Variants in PARP10 observed in about 807,000 individuals in gnomAD.
PARP10 encodes the protein poly(ADP-ribose) polymerase family member 10.
In PARP10, 56 loss-of-function variants were observed where a neutral mutation model predicts 82.4. That is an observed-to-expected ratio of 0.68 (90% CI 0.55 to 0.85). The LOEUF (loss-of-function observed/expected upper bound fraction) is 0.85. Ranked by LOEUF, PARP10 falls within the 40% of genes least tolerant of loss-of-function variation. The probability of loss-of-function intolerance (pLI) is 0.00; values close to 1 mark genes in which losing one functional copy is unlikely to be tolerated. For synonymous variants in PARP10, 576 were observed against 601.1 expected (o/e 0.96, Z 0.61); for missense variants, 1,227 against 1,379.4 (o/e 0.89, Z 1.75).
chr8:143,991,427 C>A (rs1834093026), upstream of PARP10: 9 of 1,426,514 alleles, frequency 6.3e-6, no homozygotes, highest in Non-Finnish European at 8.4e-6. Context: ...CCCAAGGGGG[C>A]TACCCACAGG....
upstream of PARP10, chr8:143,992,416 G>T (rs782058820): frequency 3.1e-6 from 5 of 1,612,946 alleles, 1 homozygote; most frequent in South Asian, 3.3e-5. Flanking sequence ...CAGGGGCTGA[G>T]CAGCTTTCCC....
chr8:143,992,745 C>T, upstream of PARP10: 1 of 1,613,914 alleles, frequency 6.2e-7, no homozygotes, highest in Non-Finnish European at 8.5e-7. Context: ...TGTCCCTGAG[C>T]CCAGAAGAGT....
intron 9 of PARP10, among the ~76,000 whole-genome samples, chr8:143,980,210 C>T (rs141821590): frequency 6.7e-6 from 1 of 149,684 alleles, no homozygotes; most frequent in Admixed American, 6.8e-5. Flanking sequence ...GTCCCAGCTA[C>T]TCAGGAGGCT....
chr8:143,992,010 A>G (rs781934309), upstream of PARP10: 1 of 1,613,864 alleles, frequency 6.2e-7, no homozygotes, highest in South Asian at 1.1e-5. Flanking sequence ...TGTCTTCTTC[A>G]TCTCTCTCAT....
Position 143,977,501 on chromosome 8 carries a change from G to C in PARP10, c.3061C>G (p.Arg1021Gly). ...CCCTTCGGTTAAGTGTCTGGGGAGCGGCCCGGGAGCCCAGAGGGGTCGTCG... is the reference window on the plus strand; with the variant it reads ...CCCTTCGGTTAAGTGTCTGGGGAGCCGCCCGGGAGCCCAGAGGGGTCGTCG... ...SPDDPSGLPG[R>G]SPDT The change falls in exon 11 of 11, where the codon CGC becomes GGC. Residue 1021 changes from arginine to glycine, a missense_variant. Coordinates refer to ENST00000313028, the MANE Select transcript of PARP10 (RefSeq NM_032789.5). 1 of 1,551,668 alleles carries C rather than the reference G, an allele frequency of 6.4e-7. No homozygotes were observed. Among genetic ancestry groups the C allele is most frequent in the Middle Eastern group, 1.7e-4 (1 of 5,826 alleles).
upstream of PARP10, chr8:143,991,170 G>A (rs1456124225): frequency 1.5e-6 from 2 of 1,332,964 alleles, no homozygotes. Flanking sequence ...CAAGCCAACT[G>A]TTCCACTGTT....
chr8:143,980,088 G>A (rs1290407048), intron 9 of PARP10, among the ~76,000 whole-genome samples: 25 of 150,344 alleles, frequency 1.7e-4, no homozygotes, highest in Admixed American at 1.4e-3. Context: ...TTGGGAGGCC[G>A]AGGTGGGCAG....
intron 1 of PARP10, among the ~76,000 whole-genome samples, chr8:144,006,736 C>G (rs1283582507): frequency 1.3e-5 from 2 of 152,228 alleles, no homozygotes; most frequent in African/African-American, 4.8e-5. Flanking sequence ...CTTGCTTCCT[C>G]TCTCTCCACT....
chr8:144,001,790 C>T (rs1174121046), intron 1 of PARP10, among the ~76,000 whole-genome samples: 2 of 151,902 alleles, frequency 1.3e-5, no homozygotes, highest in African/African-American at 4.8e-5. Flanking sequence ...GTAATTCCAA[C>T]AGTTTGTCAG....
At chr8:144,000,152 C>T (rs1293532812) in intron 1 of PARP10, among the ~76,000 whole-genome samples, 1 of 152,188 alleles carries the variant, frequency 6.6e-6, no homozygotes, top group Non-Finnish European at 1.5e-5. Flanking sequence ...CCACCAAATT[C>T]ATATGCTGAA....
At chr8:143,990,376 G>T (rs1834070784), upstream of PARP10, 1 of 151,330 alleles carries the variant, frequency 6.6e-6, no homozygotes, top group Non-Finnish European at 1.5e-5. The surrounding 1 kb of genome is among the most constrained non-coding windows in gnomAD (Gnocchi z 5.6). Flanking sequence ...CGGTGGTGGG[G>T]GCGGGGAGCC....
rs529864557 is a variant in PARP10 at position 143,999,434 on chromosome 8, G to A, written c.-79-12996C>T. 5.9e-5 allele frequency among the ~76,000 whole-genome samples: 9 copies of A among 152,214 alleles called. No individual in the cohort carries two copies. The East Asian group carries it at 1.7e-3, about 29-fold the overall frequency. The stretch of plus-strand genomic sequence containing the variant: ...GCCCAGGTTGGTGTTGAACTGCTGA[G>A]CTCAAGTGGTCCGCCCACCTCAGCC... On this transcript the variant is annotated intron_variant, in intron 1 of 3. Transcript: ENST00000530478.
Position 143,985,798 on chromosome 8 carries a change from A to G in PARP10, c.359T>C (p.Val120Ala), listed in dbSNP as rs1036720228. The change falls in exon 3 of 11, where the codon GTA becomes GCA. Residue 120 changes from valine to alanine, a missense_variant. Transcript: ENST00000313028. ...GCTGGCCAAGGCACAGCAAGGCTGT[A>G]CTGGGAGCCCCGAGGCCCGCAGCAA... The part of the protein sequence containing the change: ...QALLRASGLP[V>A]QPCCALASPR... 7 of 1,612,348 alleles carry G rather than the reference A, an allele frequency of 4.3e-6. No homozygotes were observed.
chr8:143,994,825 G>A (rs564287550), upstream of PARP10, among the ~76,000 whole-genome samples: 1 of 152,132 alleles, frequency 6.6e-6, no homozygotes, highest in African/African-American at 2.4e-5. Flanking sequence ...CCTCCTCTGG[G>A]TGCCCGCCTG....
intron 1 of PARP10, among the ~76,000 whole-genome samples, chr8:144,012,161 C>T (rs898122180): frequency 1.3e-5 from 2 of 152,238 alleles, no homozygotes; most frequent in Non-Finnish European, 2.9e-5. Context: ...AGTGCTATGA[C>T]ACAGGACACA....
rs142748062 is a variant in PARP10, at chr8:144,000,647, T to C, written c.-80+11883A>G. 8.6e-5 allele frequency among the ~76,000 whole-genome samples: 13 copies of C among 151,986 alleles called. No individual in the cohort carries two copies. In the East Asian group the frequency reaches 2.5e-3, roughly 30 times the overall value. On this transcript the variant is annotated intron_variant, in intron 1 of 3. Coordinates refer to the PARP10 transcript ENST00000530478. The stretch of plus-strand genomic sequence containing the variant: ...TCCATCTCAAAAACAAACAATAAAC[T>C]AATACACCTAGTGTAACACTGATAC...
intron 1 of PARP10, among the ~76,000 whole-genome samples, chr8:143,996,377 A>G (rs544939173): frequency 6.6e-6 from 1 of 152,230 alleles, no homozygotes; most frequent in South Asian, 2.1e-4. Flanking sequence ...CCCACCCTGC[A>G]AAGCAACGCT....
chr8:143,987,889 T>TAA (rs142649749), upstream of PARP10, among the ~76,000 whole-genome samples: 533 of 147,128 alleles, frequency 3.6e-3, 2 homozygotes, highest in Admixed American at 5.8e-3. Flanking sequence ...AGACTCTGTC[T>TAA]AAAAAAAAAA....
upstream of PARP10, chr8:143,991,571 G>A: frequency 6.3e-7 from 1 of 1,583,484 alleles, no homozygotes. Flanking sequence ...CCTATGGACA[G>A]CCACAGGTCT....
Sources: gnomAD v4.1 joint callset for allele counts (sites outside exome capture counted in the v4.1 genomes callset) on GRCh38, gnomAD v4.1.1 for gene constraint, Gnocchi (gnomAD v3.1) non-coding constraint, MANE v1.5 for transcripts, NCBI Gene and HGNC (gene_info 2026-07-23, HGNC 2026-07-21) for gene names.